KCNMB2: variants seen among roughly 807,000 people sequenced by gnomAD.
The protein encoded by KCNMB2 is calcium-activated potassium channel subunit beta-2.
KCNMB2 carries 9 observed loss-of-function variants against 24.5 expected under a neutral mutation model. The observed-to-expected ratio is 0.37, with a 90% CI of 0.22 to 0.64. The LOEUF is 0.64. Ranked by LOEUF, KCNMB2 falls within the 30% of genes least tolerant of loss-of-function variation. KCNMB2 has a pLI of 0.63. For missense variants in KCNMB2, 226 were observed against 284.3 expected (o/e 0.79, Z 1.47); for synonymous variants, 109 against 104.4 (o/e 1.04, Z -0.27).
intron 1 of KCNMB2, among the ~76,000 whole-genome samples, chr3:178,642,705 A>G (rs1230037441): frequency 1.3e-5 from 2 of 152,192 alleles, no homozygotes; most frequent in African/African-American, 4.8e-5. Flanking sequence ...TTGCAGTGTA[A>G]TCAAGACATT....
At chr3:178,748,710 C>G (rs1723748062) in intron 1 of KCNMB2, among the ~76,000 whole-genome samples, 1 of 152,128 alleles carries the variant, frequency 6.6e-6, no homozygotes, top group African/African-American at 2.4e-5. Context: ...CAAATAGAAG[C>G]TAGCTATTGA....
chr3:178,790,300 G>T (rs1713271185), intron 1 of KCNMB2, among the ~76,000 whole-genome samples: 1 of 152,070 alleles, frequency 6.6e-6, no homozygotes, highest in South Asian at 2.1e-4. Flanking sequence ...GAGACCCAGG[G>T]TCATGCTGGC....
chr3:178,789,072 T>C (rs1713221546), intron 1 of KCNMB2, among the ~76,000 whole-genome samples: 1 of 152,236 alleles, frequency 6.6e-6, no homozygotes, highest in Admixed American at 6.5e-5. Flanking sequence ...AGTTTACCAT[T>C]GCTCAGTGAC....
intron 1 of KCNMB2, among the ~76,000 whole-genome samples, chr3:178,636,361 T>G (rs1322327433): frequency 6.6e-6 from 1 of 152,130 alleles, no homozygotes. Flanking sequence ...AACTTACTCA[T>G]GTAACTAAAT....
At chr3:178,746,556 T>A (rs371696780) in intron 1 of KCNMB2, among the ~76,000 whole-genome samples, 15 of 152,202 alleles carry the variant, frequency 9.9e-5, no homozygotes, top group African/African-American at 3.4e-4. Flanking sequence ...CGGCTTGAAT[T>A]TCTTCTCAGA....
intron 1 of KCNMB2, among the ~76,000 whole-genome samples, chr3:178,676,213 C>A (rs1721065249): frequency 6.6e-6 from 1 of 152,142 alleles, no homozygotes; most frequent in Non-Finnish European, 1.5e-5. Flanking sequence ...TGGAGGCCAC[C>A]CAGGGCATAA....
At chr3:178,577,696 G>A (rs1717047539) in intron 1 of KCNMB2, among the ~76,000 whole-genome samples, 1 of 152,094 alleles carries the variant, frequency 6.6e-6, no homozygotes, top group South Asian at 2.1e-4. Flanking sequence ...AGAGAAGATG[G>A]AGCTGAAAAA....
chr3:178,550,932 G>C (rs1392037234), intron 1 of KCNMB2, among the ~76,000 whole-genome samples: 1 of 152,302 alleles, frequency 6.6e-6, no homozygotes, highest in African/African-American at 2.4e-5. Flanking sequence ...GGGTAATCAT[G>C]TCAAATATTA....
At chr3:178,731,552 T>C (rs1229505442) in intron 1 of KCNMB2, among the ~76,000 whole-genome samples, 2 of 152,192 alleles carry the variant, frequency 1.3e-5, no homozygotes, top group Admixed American at 6.6e-5. Flanking sequence ...ACAGACATTA[T>C]GTGTTCCCTG....
intron 1 of KCNMB2, among the ~76,000 whole-genome samples, chr3:178,668,448 T>C (rs1303565229): frequency 1.3e-5 from 2 of 152,200 alleles, no homozygotes; most frequent in South Asian, 2.1e-4. Flanking sequence ...CTGTACACAA[T>C]GGAGACTGTG....
intron 1 of KCNMB2, among the ~76,000 whole-genome samples, chr3:178,768,430 T>A (rs2108418777): frequency 6.6e-6 from 1 of 152,262 alleles, no homozygotes; most frequent in East Asian, 1.9e-4. Context: ...CTATACATGA[T>A]AAATATTTAT....
intron 1 of KCNMB2, among the ~76,000 whole-genome samples, chr3:178,568,496 C>CAGAGGA (rs1560111908): frequency 6.6e-6 from 1 of 152,120 alleles, no homozygotes; most frequent in Non-Finnish European, 1.5e-5. Context: ...CTCATAATGT[C>CAGAGGA]AGAGGAAGGA....
At position 178,740,568 on chromosome 3, in the gene KCNMB2, G is replaced by A. The variant is rs572686705; in HGVS notation, c.-67-66775G>A. 4.6e-5 allele frequency among the ~76,000 whole-genome samples: 7 copies of A among 152,250 alleles called. No individual in the cohort carries two copies. In the South Asian group the frequency reaches 1.2e-3, roughly 27 times the overall value. On this transcript the variant is annotated intron_variant, in intron 1 of 4. Coordinates refer to ENST00000452583, the MANE Select transcript of KCNMB2 (RefSeq NM_181361.3). ...ATTCTTCCACATAATAATCTTAGGA[G>A]CTACTGTTAAGCTTAGTATGCCATA...
At chr3:178,638,186 T>C (rs1719597841) in intron 1 of KCNMB2, among the ~76,000 whole-genome samples, 1 of 152,184 alleles carries the variant, frequency 6.6e-6, no homozygotes. Flanking sequence ...GAGTTATTTT[T>C]CAAAGGACAG....
At chr3:178,653,938 T>A (rs1344172360) in intron 1 of KCNMB2, among the ~76,000 whole-genome samples, 1 of 152,122 alleles carries the variant, frequency 6.6e-6, no homozygotes, top group African/African-American at 2.4e-5. Flanking sequence ...TCCCTTTTTT[T>A]ACTACTTTCT....
At chr3:178,689,139 C>A (rs112354753) in intron 1 of KCNMB2, among the ~76,000 whole-genome samples, 251 of 152,140 alleles carry the variant, frequency 1.6e-3, no homozygotes, top group African/African-American at 5.8e-3. Context: ...TATTATAATG[C>A]AAATTTCTAT....
chr3:178,738,249 C>T (rs899415880), intron 1 of KCNMB2, among the ~76,000 whole-genome samples: 1 of 152,164 alleles, frequency 6.6e-6, no homozygotes, highest in African/African-American at 2.4e-5. Context: ...ACCAAGTCTG[C>T]TCTTCAACTT....
At chr3:178,640,025 A>T (rs1013987627) in intron 1 of KCNMB2, among the ~76,000 whole-genome samples, 15 of 150,986 alleles carry the variant, frequency 9.9e-5, no homozygotes, top group African/African-American at 3.4e-4. Context: ...CACAGAACAC[A>T]TGCCAATAAA....
chr3:178,803,755 G>A (rs1713861392), intron 1 of KCNMB2, among the ~76,000 whole-genome samples: 1 of 152,052 alleles, frequency 6.6e-6, no homozygotes, highest in Non-Finnish European at 1.5e-5. Flanking sequence ...CACAGAAGAG[G>A]GTCATCTGAG....
Sources: gnomAD v4.1 joint callset for allele counts (sites outside exome capture counted in the v4.1 genomes callset) on GRCh38, gnomAD v4.1.1 for gene constraint, MANE v1.5 for transcripts, NCBI Gene and HGNC (gene_info 2026-07-23, HGNC 2026-07-21) for gene names.